Variants in LAMA1 observed in about 807,000 individuals in gnomAD.
LAMA1 encodes the protein laminin subunit alpha-1.
LAMA1 carries 219 observed loss-of-function variants against 348.7 expected under a neutral mutation model. The ratio of observed to expected loss-of-function variants is 0.63; its 90% CI spans 0.56 to 0.70. LAMA1 has a LOEUF of 0.70. LAMA1 is among the 30% of genes least tolerant of loss of function. The pLI is 0.00. For synonymous variants in LAMA1, 1,487 were observed against 1,491.0 expected (o/e 1.00, Z 0.06); for missense variants, 3,744 against 3,888.0 (o/e 0.96, Z 0.99).
At position 7,061,107 on chromosome 18, in the gene LAMA1, G is replaced by GT. The variant is rs1238451760; in HGVS notation, c.346-10172dup. Among the ~76,000 whole-genome samples the GT allele has an allele frequency of 2.4e-4, 37 of 152,296 alleles. 1 individual carries two copies. The highest frequency in any genetic ancestry group is 1.9e-3 in the South Asian group (9 of 4,828). ...TGGGAGGTCGAGGCTGCAGTGAGCC[G>GT]TGATGGTGCCACTGCACTCCAGCCT... On this transcript the variant is annotated intron_variant, in intron 3 of 62. Coordinates refer to ENST00000389658, the MANE Select transcript of LAMA1 (RefSeq NM_005559.4).
chr18:6,944,424 T>C lies in LAMA1; in HGVS notation c.8845-1022A>G, dbSNP rs541627867. 2.1e-3 allele frequency among the ~76,000 whole-genome samples: 314 copies of C among 152,296 alleles called. 3 individuals carry two copies. The highest frequency in any genetic ancestry group is 6.9e-3 in the African/African-American group (288 of 41,570). The stretch of plus-strand genomic sequence containing the variant: ...AAAGAGATCTCAGCTTTGCAAAGGA[T>C]AGGAGGTGTTATGGGCTGAAGACCG... On this transcript the variant is annotated intron_variant, in intron 61 of 62. Transcript: ENST00000389658.
chr18:7,084,553 A>G (rs1481383420), intron 1 of LAMA1, among the ~76,000 whole-genome samples: 1 of 152,254 alleles, frequency 6.6e-6, no homozygotes, highest in Non-Finnish European at 1.5e-5. Context: ...CTCAGGACAC[A>G]CAATGGAATC....
At chr18:6,978,119 G>C in intron 43 of LAMA1, 77 bp downstream of exon 43, 1 of 1,565,602 alleles carries the variant, frequency 6.4e-7, no homozygotes, top group Non-Finnish European at 8.8e-7. Context: ...TGTGAAAAAC[G>C]CACCACTGTG....
intron 3 of LAMA1, among the ~76,000 whole-genome samples, chr18:7,072,934 C>T (rs777086161): frequency 1.3e-5 from 2 of 152,168 alleles, no homozygotes; most frequent in African/African-American, 2.4e-5. Context: ...TGCCCAGCAG[C>T]GGCCCTCTGC....
intron 1 of LAMA1, among the ~76,000 whole-genome samples, chr18:7,114,025 C>T (rs1176561687): frequency 1.4e-5 from 2 of 146,186 alleles, no homozygotes; most frequent in South Asian, 2.1e-4. Context: ...TGCAGTGAGC[C>T]GAGATCGTGC....
intron 1 of LAMA1, among the ~76,000 whole-genome samples, chr18:7,107,647 G>GA (rs1172127056): frequency 1.3e-5 from 2 of 151,948 alleles, no homozygotes; most frequent in African/African-American, 2.4e-5. Context: ...TCAAGTGCAT[G>GA]AAAAAAAATT....
chr18:6,956,931 TGC>T, intron 55 of LAMA1, 166 bp from the exon 56 acceptor site: 1 of 720,868 alleles, frequency 1.4e-6, no homozygotes, highest in East Asian at 2.8e-5. Context: ...AGTCCAAACA[TGC>T]TATCTTAATA....
At position 6,955,390 on chromosome 18, in the gene LAMA1, A is replaced by T; in HGVS notation, c.8170T>A (p.Phe2724Ile). The part of the protein sequence containing the change: ...HQFGLTQNSH[F>I]ILPFNQSAVR... The stretch of plus-strand genomic sequence containing the variant: ...GCCGACTGATTAAAAGGCAAGATGA[A>T]ATGGCTGTTTTGTGTGAGACCAAAC... The change falls in exon 57 of 63, where the codon TTC becomes ATC. Residue 2724 changes from phenylalanine to isoleucine, a missense_variant. Phe to Ile is a conservative substitution (Grantham distance 21). Transcript: ENST00000389658. 5 of 1,614,138 alleles carry T rather than the reference A, an allele frequency of 3.1e-6. No individual in the cohort carries two copies. The highest frequency in any genetic ancestry group is 4.2e-6 in the Non-Finnish European group (5 of 1,180,020).
At chr18:6,970,808 T>G (rs1245928503) in intron 48 of LAMA1, among the ~76,000 whole-genome samples, 2 of 152,106 alleles carry the variant, frequency 1.3e-5, no homozygotes, top group Non-Finnish European at 2.9e-5. Flanking sequence ...AGACGGAGTT[T>G]CACCATATTG....
intron 3 of LAMA1, among the ~76,000 whole-genome samples, chr18:7,078,064 C>CAA (rs1293065808): frequency 3.0e-3 from 165 of 54,730 alleles, no homozygotes; most frequent in African/African-American, 8.2e-3. Flanking sequence ...AACTCCGTCT[C>CAA]AAAAAAAAAA....
chr18:6,964,768 T>C lies in LAMA1; in HGVS notation c.7231A>G (p.Asn2411Asp). ...LAVIDAYNTS[N>D]KETKQGETPG... ...GTCTCGCCCTGCTTGGTTTCTTTAT[T>C]ACTGGTGTTATAGGCATCGATAACT... The change falls in exon 51 of 63, where the codon AAT becomes GAT. Residue 2411 changes from asparagine (N) to aspartate (D), a missense_variant. Physicochemically the swap from Asn to Asp is conservative, Grantham distance 23. Around this residue, in one of 3 missense-constraint regions of LAMA1, gnomAD observed 1,983 missense variants for 1,934.3 expected, o/e 1.03. Transcript: ENST00000389658. The C allele has an allele frequency of 6.2e-7, 1 of 1,614,122 alleles. No individual in the cohort carries two copies. Among genetic ancestry groups the C allele is most frequent in the Non-Finnish European group, 8.5e-7 (1 of 1,180,024 alleles).
At chr18:7,107,143 G>T (rs1397304326) in intron 1 of LAMA1, among the ~76,000 whole-genome samples, 1 of 141,084 alleles carries the variant, frequency 7.1e-6, no homozygotes, top group Admixed American at 7.4e-5. Flanking sequence ...TTTTGAGACG[G>T]AGTCTCACTC....
chr18:7,009,965 C>T (rs548088829), intron 26 of LAMA1, among the ~76,000 whole-genome samples: 1 of 152,036 alleles, frequency 6.6e-6, no homozygotes, highest in Non-Finnish European at 1.5e-5. Flanking sequence ...TGCCACCATG[C>T]CTGGCTAATT....
At position 7,080,048 on chromosome 18, in the gene LAMA1, T is replaced by A. The variant is rs372942514; in HGVS notation, c.272A>T (p.Asn91Ile). ...PISHAIDGTN[N>I]WWQSPSIQNG... ...CTGAATGCTGGGACTTTGCCACCAG[T>A]TATTGGTGCCATCTATGGCATGTGA... The change falls in exon 3 of 63, where the codon AAC (asparagine) becomes ATC (isoleucine). Residue 91 changes from asparagine (N) to isoleucine (I), a missense_variant. Around this residue, in one of 3 missense-constraint regions of LAMA1, gnomAD observed 1,529 missense variants for 1,689.4 expected, o/e 0.91. Coordinates refer to ENST00000389658, the MANE Select transcript of LAMA1 (RefSeq NM_005559.4). The A allele has an allele frequency of 7.4e-6, 12 of 1,614,010 alleles. No homozygotes were observed. The highest frequency in any genetic ancestry group is 2.7e-5 in the African/African-American group (2 of 74,922).
chr18:7,010,533 C>T (rs2057855019), intron 25 of LAMA1, 148 bp from the exon 26 acceptor site: 2 of 770,602 alleles, frequency 2.6e-6, no homozygotes, highest in Non-Finnish European at 4.4e-6. Flanking sequence ...TTGCTTCCTT[C>T]TAATTCCATT....
At chr18:7,070,820 C>A (rs113849082) in intron 3 of LAMA1, among the ~76,000 whole-genome samples, 132 of 151,888 alleles carry the variant, frequency 8.7e-4, no homozygotes, top group African/African-American at 2.8e-3. Context: ...AAATCTGACC[C>A]TCACTCCCAC....
intron 61 of LAMA1, among the ~76,000 whole-genome samples, chr18:6,944,940 T>C (rs993886199): frequency 6.6e-6 from 1 of 152,140 alleles, no homozygotes; most frequent in African/African-American, 2.4e-5. Flanking sequence ...ACTAAAAATG[T>C]TAAAAAAGAA....
At chr18:7,090,814 G>A (rs903658306) in intron 1 of LAMA1, among the ~76,000 whole-genome samples, 2 of 152,144 alleles carry the variant, frequency 1.3e-5, no homozygotes, top group Non-Finnish European at 2.9e-5. Flanking sequence ...CATTTAACAA[G>A]TTGATTTCTT....
At chr18:6,964,378 A>T (rs1002577196) in intron 51 of LAMA1, among the ~76,000 whole-genome samples, 2 of 152,166 alleles carry the variant, frequency 1.3e-5, no homozygotes, top group South Asian at 4.1e-4. Context: ...CTTATGCAAC[A>T]TGACAGTTGT....
Sources: gnomAD v4.1 joint callset for allele counts (sites outside exome capture counted in the v4.1 genomes callset) on GRCh38, gnomAD v4.1.1 for gene constraint, gnomAD v4.1.1 regional missense constraint, MANE v1.5 for transcripts, NCBI Gene and HGNC (gene_info 2026-07-23, HGNC 2026-07-21) for gene names.